The following RNF144A variants were observed in gnomAD, a reference collection of about 807,000 sequenced individuals.
RNF144A encodes the protein ring finger protein 144A, also known as E3 ubiquitin-protein ligase RNF144A.
Under a neutral mutation model 38.7 loss-of-function variants are expected in RNF144A, and 11 were observed. That is an observed-to-expected ratio of 0.28 (90% CI 0.18 to 0.47). The LOEUF is 0.47. RNF144A is among the 20% of genes least tolerant of loss of function. The pLI, the probability that RNF144A is intolerant of heterozygous loss-of-function variation, is 0.99. For synonymous variants in RNF144A, 149 were observed against 143.9 expected (o/e 1.04, Z -0.25); for missense variants, 316 against 377.2 (o/e 0.84, Z 1.34).
the RNF144A span, among the ~76,000 whole-genome samples, chr2:7,073,871 G>A: frequency 6.6e-6 from 1 of 152,238 alleles, no homozygotes; most frequent in South Asian, 2.1e-4. Context: ...CAGCCTGCAA[G>A]GGCATAGGGG....
At chr2:7,065,658 T>C (rs1648596991) in intron 6 of RNF144A, among the ~76,000 whole-genome samples, 1 of 152,240 alleles carries the variant, frequency 6.6e-6, no homozygotes, top group African/African-American at 2.4e-5. Flanking sequence ...GGCAATTGCA[T>C]AATTATCATA....
chr2:7,036,450 A>C (rs2103456771), intron 8 of RNF144A, among the ~76,000 whole-genome samples: 1 of 152,314 alleles, frequency 6.6e-6, no homozygotes. Context: ...GAGCCGAAGG[A>C]CCAGGTGTTC....
At chr2:6,950,520 T>A (rs760810015) in intron 2 of RNF144A, among the ~76,000 whole-genome samples, 19 of 152,212 alleles carry the variant, frequency 1.2e-4, no homozygotes, top group Non-Finnish European at 2.4e-4. Context: ...ACCTGGTCCA[T>A]AAGTGCAATT....
intron 3 of RNF144A, among the ~76,000 whole-genome samples, chr2:7,003,004 A>T (rs1670209576): frequency 1.3e-5 from 2 of 152,182 alleles, no homozygotes; most frequent in South Asian, 2.1e-4. Context: ...TAAAAAAAAT[A>T]AAAAAATTTA....
At chr2:7,044,524 G>A (rs1023939434), downstream of RNF144A, among the ~76,000 whole-genome samples, 9 of 152,234 alleles carry the variant, frequency 5.9e-5, no homozygotes, top group East Asian at 3.9e-4. Flanking sequence ...CACTCAGGGC[G>A]CTCTGCTTCC....
At position 7,020,924 on chromosome 2, in the gene RNF144A, AC is replaced by A. The variant is rs763045260; in HGVS notation, c.509+245del. Among the ~76,000 whole-genome samples the A allele has an allele frequency of 3.9e-5, 6 of 152,354 alleles. No homozygotes were observed. The East Asian group carries it at 9.6e-4, about 24-fold the overall frequency. ...AAATAGAAAGGTGTGTGAGAACCAC[AC>A]TTAACACGGCTTGGCTGGAATGACA... On this transcript the variant is annotated intron_variant, in intron 6 of 8. Coordinates refer to ENST00000320892, the MANE Select transcript of RNF144A (RefSeq NM_014746.6).
At chr2:7,054,915 A>G (rs1311746608) in intron 6 of RNF144A, among the ~76,000 whole-genome samples, 1 of 152,088 alleles carries the variant, frequency 6.6e-6, no homozygotes, top group Non-Finnish European at 1.5e-5. Context: ...TGCTCCCCTC[A>G]TTTGATTTTT....
At chr2:6,979,322 A>G (rs1668492383) in intron 2 of RNF144A, among the ~76,000 whole-genome samples, 2 of 152,192 alleles carry the variant, frequency 1.3e-5, no homozygotes, top group African/African-American at 4.8e-5. Flanking sequence ...TTATTAGGAC[A>G]GGCAGTCTCC....
intron 6 of RNF144A, among the ~76,000 whole-genome samples, chr2:7,054,030 CTTG>C (rs915717328): frequency 3.9e-5 from 6 of 152,192 alleles, no homozygotes; most frequent in Admixed American, 1.3e-4. Context: ...ATGGCTTGTG[CTTG>C]TGGCCAGAGA....
chr2:6,953,298 G>A (rs1057343259), intron 2 of RNF144A, among the ~76,000 whole-genome samples: 3 of 151,958 alleles, frequency 2.0e-5, no homozygotes, highest in Admixed American at 6.6e-5. Flanking sequence ...GCATGGTGGC[G>A]GGCGCCTGTA....
intron 8 of RNF144A, among the ~76,000 whole-genome samples, chr2:7,034,016 C>T (rs1672499549): frequency 2.0e-5 from 3 of 152,150 alleles, no homozygotes; most frequent in Non-Finnish European, 1.5e-5. Context: ...TGTCCCCGTC[C>T]CAGGAGCCAT....
intron 2 of RNF144A, among the ~76,000 whole-genome samples, chr2:6,991,798 TAC>T (rs529038703): frequency 2.4e-3 from 369 of 152,222 alleles, no homozygotes; most frequent in Non-Finnish European, 4.1e-3. Flanking sequence ...CACACACACA[TAC>T]ATATATATCT....
At chr2:6,952,022 G>A (rs796920403) in intron 2 of RNF144A, among the ~76,000 whole-genome samples, 20 of 151,968 alleles carry the variant, frequency 1.3e-4, no homozygotes, top group African/African-American at 3.1e-4. Context: ...TTAAAAATAC[G>A]TTTGCCGCCA....
chr2:6,930,639 T>C (rs2103279281), intron 1 of RNF144A, among the ~76,000 whole-genome samples: 1 of 152,308 alleles, frequency 6.6e-6, no homozygotes, highest in South Asian at 2.1e-4. Context: ...TCACTCAGGC[T>C]GGAGTGCAGT....
At chr2:6,972,198 C>T (rs1311603116) in intron 2 of RNF144A, among the ~76,000 whole-genome samples, 1 of 152,204 alleles carries the variant, frequency 6.6e-6, no homozygotes, top group East Asian at 1.9e-4. Context: ...CCTCTTCTTT[C>T]CCTCCTCCTC....
intron 2 of RNF144A, among the ~76,000 whole-genome samples, chr2:6,989,058 G>A (rs1669168884): frequency 6.6e-6 from 1 of 152,054 alleles, no homozygotes; most frequent in Non-Finnish European, 1.5e-5. Flanking sequence ...CCCTAGTTTC[G>A]GTAACTGGAA....
downstream of RNF144A, among the ~76,000 whole-genome samples, chr2:7,046,838 C>G (rs770032621): frequency 1.6e-4 from 24 of 152,320 alleles, no homozygotes; most frequent in Non-Finnish European, 2.8e-4. Flanking sequence ...ACTTGTTCTC[C>G]TAGGCAACTA....
intron 2 of RNF144A, among the ~76,000 whole-genome samples, chr2:6,968,906 G>C (rs1486476131): frequency 6.6e-6 from 1 of 152,136 alleles, no homozygotes; most frequent in African/African-American, 2.4e-5. Context: ...TGAGAGGCTG[G>C]TGAAATATGG....
At chr2:7,016,294 G>A (rs1301442560) in intron 5 of RNF144A, among the ~76,000 whole-genome samples, 1 of 152,054 alleles carries the variant, frequency 6.6e-6, no homozygotes, top group African/African-American at 2.4e-5. Context: ...TCAGTACGTA[G>A]GGCAATAAAA....
Sources: allele counts gnomAD v4.1 joint callset (sites outside exome capture counted in the v4.1 genomes callset), GRCh38; gene constraint gnomAD v4.1.1; transcripts MANE v1.5; gene names NCBI Gene and HGNC (gene_info 2026-07-23, HGNC 2026-07-21).